Variants in TMEM108 observed in about 807,000 individuals in gnomAD.
TMEM108 encodes cancer/testis antigen 124.
A neutral mutation model predicts 35.1 loss-of-function variants in TMEM108; 12 were observed. The ratio of observed to expected loss-of-function variants is 0.34; its 90% CI spans 0.22 to 0.55. TMEM108 has a LOEUF of 0.55. Ranked by LOEUF, TMEM108 falls within the 20% of genes least tolerant of loss-of-function variation. TMEM108 has a pLI of 0.89. For missense variants in TMEM108, 680 were observed against 753.3 expected (o/e 0.90, Z 1.14); for synonymous variants, 287 against 308.6 (o/e 0.93, Z 0.73).
In TMEM108 at chr3:133,346,956, C is replaced by T. The variant is rs1422694737; in HGVS notation, c.41-32796C>T. On this transcript the variant is annotated intron_variant, in intron 3 of 5. Transcript: ENST00000321871. The surrounding 1 kb of genome is among the most constrained non-coding windows in gnomAD (Gnocchi z 4.0). ...GTCAAAGATCAGTTGACTTTATTTG[C>T]GTGAGTCTGTCTCTGGACCCTATTC... 2.0e-5 allele frequency among the ~76,000 whole-genome samples: 3 copies of T among 152,054 alleles called. No individual in the cohort carries two copies. Among genetic ancestry groups the T allele is most frequent in the Non-Finnish European group, 4.4e-5 (3 of 67,948 alleles).
At chr3:133,160,817 C>T (rs1944951499) in intron 2 of TMEM108, among the ~76,000 whole-genome samples, 1 of 152,156 alleles carries the variant, frequency 6.6e-6, no homozygotes, top group South Asian at 2.1e-4. Context: ...CCTTTGGTTC[C>T]AAGCCTTTGT....
chr3:133,070,868 C>T (rs1056644490), intron 2 of TMEM108, among the ~76,000 whole-genome samples: 2 of 151,850 alleles, frequency 1.3e-5, no homozygotes, highest in Non-Finnish European at 2.9e-5. Context: ...TGCTAGGGTA[C>T]TGCAGCTGCT....
rs372761622 is a variant in TMEM108 at position 133,168,417 on chromosome 3, G to T, written c.-46-60849G>T. Among the ~76,000 whole-genome samples, 13 of 152,274 alleles carry T rather than the reference G, an allele frequency of 8.5e-5. No individual in the cohort carries two copies. The South Asian group carries it at 2.5e-3, about 29-fold the overall frequency. On this transcript the variant is annotated intron_variant, in intron 2 of 5. Transcript: ENST00000321871. Reference sequence around the variant, plus strand: ...GAAGGGCAAGAGATCAGGGGAGAGAGAGGGAGGCGAGGGGGATTGAACACA... The same window carrying T: ...GAAGGGCAAGAGATCAGGGGAGAGATAGGGAGGCGAGGGGGATTGAACACA...
At chr3:133,257,105 T>G (rs1375357077) in intron 3 of TMEM108, 1 of 152,246 alleles carries the variant, frequency 6.6e-6, no homozygotes, top group African/African-American at 2.4e-5. Flanking sequence ...GAGGTCTTTA[T>G]TGATATTATC....
At chr3:133,066,889 A>G (rs1288366787) in intron 2 of TMEM108, among the ~76,000 whole-genome samples, 2 of 152,136 alleles carry the variant, frequency 1.3e-5, no homozygotes, top group Non-Finnish European at 2.9e-5. Context: ...ACATCTCTTT[A>G]CAAATGAGTG....
chr3:133,094,221 A>ACCCCACCCCCCACCCCCCACC (rs1378631417), intron 2 of TMEM108, among the ~76,000 whole-genome samples: 2 of 34,250 alleles, frequency 5.8e-5, no homozygotes, highest in African/African-American at 1.1e-4. Context: ...CCCACCTCCC[A>ACCCCACCCCCCACCCCCCACC]CCCCACCCCC....
intron 2 of TMEM108, among the ~76,000 whole-genome samples, chr3:133,056,413 T>G (rs993500245): frequency 6.6e-6 from 1 of 152,220 alleles, no homozygotes; most frequent in African/African-American, 2.4e-5. Flanking sequence ...AATGTGACTT[T>G]GGGCAGAATA....
chr3:133,264,260 G>A (rs188734987), intron 3 of TMEM108, among the ~76,000 whole-genome samples: 18 of 152,074 alleles, frequency 1.2e-4, no homozygotes, highest in Admixed American at 4.6e-4. Context: ...AACTATAATT[G>A]TGCCACTGTA....
chr3:133,138,613 C>T (rs777279020), intron 2 of TMEM108, among the ~76,000 whole-genome samples: 1 of 152,020 alleles, frequency 6.6e-6, no homozygotes, highest in Admixed American at 6.6e-5. Context: ...GATTGGACAT[C>T]CCTGCCAAAG....
At chr3:133,110,156 A>C (rs1944208242) in intron 2 of TMEM108, among the ~76,000 whole-genome samples, 1 of 152,118 alleles carries the variant, frequency 6.6e-6, no homozygotes, top group Non-Finnish European at 1.5e-5. Context: ...GACAAGTAAA[A>C]AGGAGGAAAA....
In TMEM108 at chr3:133,211,601, A is replaced by G. The variant is rs1175892501; in HGVS notation, c.-46-17665A>G. Among the ~76,000 whole-genome samples the G allele has an allele frequency of 2.6e-5, 4 of 152,274 alleles. No homozygotes were observed. In the East Asian group the frequency reaches 7.7e-4, roughly 29 times the overall value. On this transcript the variant is annotated intron_variant, in intron 2 of 5. Coordinates refer to ENST00000321871, the MANE Select transcript of TMEM108 (RefSeq NM_023943.4). ...GCACAAGCAACTTCCTGTCTCCTCA[A>G]AGGAGATAAATGATCCTAATTCACT... is the stretch of plus-strand genomic sequence containing the variant.
At chr3:133,256,226 T>C (rs1946544335) in intron 3 of TMEM108, among the ~76,000 whole-genome samples, 1 of 152,172 alleles carries the variant, frequency 6.6e-6, no homozygotes, top group Admixed American at 6.6e-5. Context: ...AAAGATCTGA[T>C]CAAATAATCA....
intron 2 of TMEM108, among the ~76,000 whole-genome samples, chr3:133,073,019 G>A (rs1350600729): frequency 2.0e-5 from 3 of 151,942 alleles, no homozygotes; most frequent in East Asian, 1.9e-4. Context: ...ATTGACAGAT[G>A]GAAATTGTAT....
At chr3:133,176,656 A>G (rs922007116) in intron 2 of TMEM108, among the ~76,000 whole-genome samples, 8 of 148,724 alleles carry the variant, frequency 5.4e-5, no homozygotes, top group African/African-American at 1.9e-4. Context: ...TCTCTGGGAC[A>G]CATTCAAAGC....
intron 2 of TMEM108, among the ~76,000 whole-genome samples, chr3:133,147,676 A>G (rs1944741502): frequency 6.6e-6 from 1 of 152,196 alleles, no homozygotes; most frequent in Non-Finnish European, 1.5e-5. Flanking sequence ...AGTACAACCT[A>G]CTACCTATTG....
rs777408703 is a variant in TMEM108 at position 133,380,791 on chromosome 3, C to T, written c.1080C>T (p.Thr360=). ...TCTTCACGGCTGCCACGGGGCCCAC[C>T]CCAGCTGCCTTCGATACCAGTGTCT... ...SGVFTAATGP[T]PAAFDTSVSA... Residue 360 remains threonine, a synonymous_variant, in exon 4 of 6, where the codon ACC becomes ACT. Coordinates refer to ENST00000321871, the MANE Select transcript of TMEM108 (RefSeq NM_023943.4). The surrounding 1 kb of genome is among the most constrained non-coding windows in gnomAD (Gnocchi z 5.3). 5.0e-6 allele frequency: 8 copies of T among 1,614,156 alleles called. No individual in the cohort carries two copies. The Admixed American group carries it at 1.2e-4, about 24-fold the overall frequency.
chr3:133,344,277 C>G (rs2071749731), intron 3 of TMEM108, among the ~76,000 whole-genome samples: 1 of 151,536 alleles, frequency 6.6e-6, no homozygotes, highest in South Asian at 2.1e-4. Context: ...AGCAAACTTA[C>G]CCTAAATAAA....
chr3:133,209,050 G>A (rs541523518), intron 2 of TMEM108, among the ~76,000 whole-genome samples: 2 of 152,028 alleles, frequency 1.3e-5, no homozygotes, highest in African/African-American at 2.4e-5. Context: ...ACTCAAGAAG[G>A]GTAAGGCTTT....
chr3:133,108,587 G>A (rs1275011560), intron 2 of TMEM108, among the ~76,000 whole-genome samples: 3 of 152,024 alleles, frequency 2.0e-5, no homozygotes, highest in Non-Finnish European at 2.9e-5. Context: ...CACTCTGATG[G>A]TAGTTTCTTT....
Sources: allele counts gnomAD v4.1 joint callset (sites outside exome capture counted in the v4.1 genomes callset), GRCh38; gene constraint gnomAD v4.1.1; non-coding constraint Gnocchi (gnomAD v3.1); transcripts MANE v1.5; gene names NCBI Gene and HGNC (gene_info 2026-07-23, HGNC 2026-07-21).